The following NYAP2 variants were observed in gnomAD, a reference collection of about 807,000 sequenced individuals.
NYAP2 encodes the protein neuronal tyrosine-phosphorylated phosphoinositide-3-kinase adapter 2.
Under a neutral mutation model 50.4 loss-of-function variants are expected in NYAP2, and 23 were observed. The observed-to-expected ratio is 0.46, with a 90% CI of 0.33 to 0.65. The LOEUF is 0.65. Among genes scored for constraint, NYAP2 ranks in the 30% least tolerant of loss-of-function variants. The pLI is 0.02. For missense variants in NYAP2, 885 were observed against 861.0 expected (o/e 1.03, Z -0.35); for synonymous variants, 394 against 365.2 (o/e 1.08, Z -0.90).
intron 4 of NYAP2, among the ~76,000 whole-genome samples, chr2:225,580,635 T>C (rs912795963): frequency 6.6e-6 from 1 of 152,218 alleles, no homozygotes; most frequent in Non-Finnish European, 1.5e-5. Context: ...TAGTCACTGC[T>C]AGAATATTTG....
At chr2:225,536,164 T>A (rs1261177353) in intron 4 of NYAP2, among the ~76,000 whole-genome samples, 1 of 152,198 alleles carries the variant, frequency 6.6e-6, no homozygotes, top group Non-Finnish European at 1.5e-5. Flanking sequence ...TCAGAGCTTA[T>A]CTGGGATAAA....
Position 225,503,806 on chromosome 2 carries a change from C to A in NYAP2, c.222-9565C>A, listed in dbSNP as rs888199414. 2.6e-5 allele frequency among the ~76,000 whole-genome samples: 4 copies of A among 152,092 alleles called. No individual in the cohort carries two copies. In the East Asian group the frequency reaches 7.7e-4, roughly 29 times the overall value. On this transcript the variant is annotated intron_variant, in intron 3 of 6. Coordinates refer to ENST00000636099, the Ensembl canonical transcript of NYAP2. Reference sequence around the variant, plus strand: ...TGTTTGATAGAGATGACCATAAAATCCATTCAATAGATTTGTGCAACTCTA... The same window carrying A: ...TGTTTGATAGAGATGACCATAAAATACATTCAATAGATTTGTGCAACTCTA...
At chr2:225,541,640 AT>A (rs1384183722) in intron 4 of NYAP2, among the ~76,000 whole-genome samples, 4 of 152,038 alleles carry the variant, frequency 2.6e-5, no homozygotes, top group African/African-American at 9.7e-5. Context: ...GTTCTGTTCC[AT>A]TGGTCTATGT....
intron 3 of NYAP2, among the ~76,000 whole-genome samples, chr2:225,460,456 A>C (rs1689811541): frequency 6.6e-6 from 1 of 152,190 alleles, no homozygotes. Flanking sequence ...TTATTGTTTC[A>C]TGCTGGGAGG....
intron 6 of NYAP2, among the ~76,000 whole-genome samples, chr2:225,640,738 T>G (rs1693512769): frequency 6.6e-6 from 1 of 152,224 alleles, no homozygotes; most frequent in Admixed American, 6.5e-5. Flanking sequence ...TTCATATTGT[T>G]AGATCTGCAA....
At chr2:225,478,988 GA>G (rs1000440483) in intron 3 of NYAP2, among the ~76,000 whole-genome samples, 6 of 151,726 alleles carry the variant, frequency 4.0e-5, no homozygotes, top group Admixed American at 2.0e-4. Context: ...CAATCATTGG[GA>G]AAAAAAATAA....
intron 3 of NYAP2, among the ~76,000 whole-genome samples, chr2:225,504,336 G>A (rs1355638807): frequency 6.6e-6 from 1 of 152,090 alleles, no homozygotes; most frequent in Non-Finnish European, 1.5e-5. Flanking sequence ...TTCATTCTGA[G>A]GGTTTTGCCC....
intron 2 of NYAP2, among the ~76,000 whole-genome samples, chr2:225,405,014 T>A (rs1694916937): frequency 6.6e-6 from 1 of 152,072 alleles, no homozygotes; most frequent in African/African-American, 2.4e-5. Context: ...GTATCAACAT[T>A]GTGCATTGCA....
chr2:225,614,654 T>C (rs1034960654), intron 5 of NYAP2, among the ~76,000 whole-genome samples: 1 of 152,204 alleles, frequency 6.6e-6, no homozygotes, highest in East Asian at 1.9e-4. Context: ...AGTATACCAA[T>C]AAAAACATTT....
chr2:225,598,649 A>G (rs1346911622), intron 5 of NYAP2, among the ~76,000 whole-genome samples: 1 of 152,240 alleles, frequency 6.6e-6, no homozygotes, highest in African/African-American at 2.4e-5. Flanking sequence ...AGGAATGCTA[A>G]CCTCCTAAAT....
chr2:225,691,098 A>T, the NYAP2 span, among the ~76,000 whole-genome samples: 3 of 152,168 alleles, frequency 2.0e-5, no homozygotes, highest in Non-Finnish European at 4.4e-5. Context: ...GGTCTAGCAT[A>T]CTATTTATTT....
intron 4 of NYAP2, among the ~76,000 whole-genome samples, chr2:225,578,829 T>C (rs1299690173): frequency 5.3e-5 from 8 of 152,194 alleles, no homozygotes; most frequent in Non-Finnish European, 1.2e-4. Context: ...TTAATAAATA[T>C]AATGTTGTCT....
At chr2:225,522,004 A>AGG in intron 4 of NYAP2, among the ~76,000 whole-genome samples, 1 of 152,074 alleles carries the variant, frequency 6.6e-6, no homozygotes, top group African/African-American at 2.4e-5. Flanking sequence ...TAGTCTTGGG[A>AGG]GGGTGTATGT....
Position 225,570,931 on chromosome 2 carries a change from G to A in NYAP2, c.524-11010G>A, listed in dbSNP as rs550418465. On this transcript the variant is annotated intron_variant, in intron 4 of 6. Transcript: ENST00000636099. ...GTTAGTTACTTCCAAGATACAATGG[G>A]ATTACAGGCATTGGGTAAATATGCA... Among the ~76,000 whole-genome samples, 801 of 152,286 alleles carry A rather than the reference G, an allele frequency of 5.3e-3. 5 individuals carry two copies. The highest frequency in any genetic ancestry group is 8.3e-3 in the Non-Finnish European group (565 of 68,030).
At position 225,493,961 on chromosome 2, in the gene NYAP2, G is replaced by T. The variant is rs143169532; in HGVS notation, c.222-19410G>T. 7.4e-3 allele frequency among the ~76,000 whole-genome samples: 1,124 copies of T among 152,198 alleles called. 9 individuals carry two copies. Among genetic ancestry groups the T allele is most frequent in the Non-Finnish European group, 0.012 (802 of 68,006 alleles). Reference sequence around the variant, plus strand: ...GACTTCTTGAACCACTCAAAGTAAGGTTCTTACAATGACCATGAGTCAAGT... The same window carrying T: ...GACTTCTTGAACCACTCAAAGTAAGTTTCTTACAATGACCATGAGTCAAGT... On this transcript the variant is annotated intron_variant, in intron 3 of 6. Transcript: ENST00000636099.
At chr2:225,455,739 A>G (rs1453437551) in intron 3 of NYAP2, among the ~76,000 whole-genome samples, 4 of 152,224 alleles carry the variant, frequency 2.6e-5, no homozygotes, top group Non-Finnish European at 2.9e-5. Flanking sequence ...GGAAAATTGT[A>G]GGGTTCTCTC....
At position 225,649,492 on chromosome 2, in the gene NYAP2, G is replaced by A. The variant is rs79011320; in HGVS notation, c.1829-1940G>A. 2.6e-4 allele frequency among the ~76,000 whole-genome samples: 39 copies of A among 152,200 alleles called. No homozygotes were observed. In the East Asian group the frequency reaches 7.0e-3, roughly 27 times the overall value. ...TAAATGATATCACAGCACCCTCTAC[G>A]TCTTCCTTCTAACATATTTCCTAAT... On this transcript the variant is annotated intron_variant, in intron 6 of 6. Transcript: ENST00000636099.
intron 3 of NYAP2, among the ~76,000 whole-genome samples, chr2:225,436,206 A>G (rs1689373002): frequency 6.6e-6 from 1 of 152,190 alleles, no homozygotes; most frequent in South Asian, 2.1e-4. Context: ...ATAAAGGTCA[A>G]ACAATCTTTA....
At chr2:225,609,330 C>A (rs755495725) in intron 5 of NYAP2, among the ~76,000 whole-genome samples, 1 of 152,126 alleles carries the variant, frequency 6.6e-6, no homozygotes, top group Non-Finnish European at 1.5e-5. Flanking sequence ...GATTATGAGG[C>A]CTTTTGTAAG....
Sources: gnomAD v4.1 joint callset for allele counts (sites outside exome capture counted in the v4.1 genomes callset) on GRCh38, gnomAD v4.1.1 for gene constraint, MANE v1.5 for transcripts, NCBI Gene and HGNC (gene_info 2026-07-23, HGNC 2026-07-21) for gene names.